Variants in MBOAT2 observed in about 807,000 individuals in gnomAD.
MBOAT2 encodes the protein membrane bound glycerophospholipid O-acyltransferase 2, also known as membrane-bound glycerophospholipid O-acyltransferase 2.
A neutral mutation model predicts 63.4 loss-of-function variants in MBOAT2; 28 were observed. That is an observed-to-expected ratio of 0.44 (90% CI 0.33 to 0.61). The LOEUF (loss-of-function observed/expected upper bound fraction) is 0.61. MBOAT2 is among the 20% of genes least tolerant of loss of function. The pLI is 0.03. For missense variants in MBOAT2, 470 were observed against 605.8 expected (o/e 0.78, Z 2.35); for synonymous variants, 211 against 215.6 (o/e 0.98, Z 0.19).
chr2:8,943,457 T>TG (rs1200748648), intron 2 of MBOAT2, among the ~76,000 whole-genome samples, 193 bp from the exon 3 acceptor site: 2 of 152,120 alleles, frequency 1.3e-5, no homozygotes, highest in Non-Finnish European at 2.9e-5. Context: ...CCAGAAGAGC[T>TG]GGGGGGAAAA....
At chr2:8,950,888 T>C (rs1668778390) in intron 2 of MBOAT2, among the ~76,000 whole-genome samples, 1 of 152,176 alleles carries the variant, frequency 6.6e-6, no homozygotes, top group Non-Finnish European at 1.5e-5. Flanking sequence ...CTCACATCTA[T>C]TGAGATGATC....
chr2:8,926,819 G>A (rs1666967179), intron 3 of MBOAT2, among the ~76,000 whole-genome samples: 1 of 152,212 alleles, frequency 6.6e-6, no homozygotes, highest in African/African-American at 2.4e-5. Context: ...ATGGTAAACA[G>A]CAGAAATGGG....
At chr2:8,883,255 G>C (rs561973208) in intron 5 of MBOAT2, among the ~76,000 whole-genome samples, 1 of 152,204 alleles carries the variant, frequency 6.6e-6, no homozygotes, top group East Asian at 1.9e-4. Context: ...TTAAAAAACA[G>C]TGAAATAAAT....
chr2:8,905,885 G>C (rs564849804), intron 4 of MBOAT2, among the ~76,000 whole-genome samples: 1 of 152,266 alleles, frequency 6.6e-6, no homozygotes, highest in African/African-American at 2.4e-5. Flanking sequence ...ATCTTTAAAA[G>C]TCCAGGTTGT....
chr2:8,921,224 C>A (rs1436344460), intron 3 of MBOAT2, among the ~76,000 whole-genome samples: 1 of 151,986 alleles, frequency 6.6e-6, no homozygotes, highest in Non-Finnish European at 1.5e-5. Context: ...TCTGTTGATT[C>A]TTTCAATGTA....
chr2:8,992,114 G>A (rs964974675), intron 1 of MBOAT2, among the ~76,000 whole-genome samples: 1 of 152,064 alleles, frequency 6.6e-6, no homozygotes, highest in Non-Finnish European at 1.5e-5. Flanking sequence ...ATGTACTTCC[G>A]GTCTCAAGTC....
At chr2:8,885,264 G>T (rs1439679475) in intron 5 of MBOAT2, among the ~76,000 whole-genome samples, 2 of 152,120 alleles carry the variant, frequency 1.3e-5, no homozygotes, top group Non-Finnish European at 2.9e-5. Flanking sequence ...CTGCGATAGT[G>T]GCACCTTTGG....
intron 4 of MBOAT2, among the ~76,000 whole-genome samples, chr2:8,898,728 C>T (rs1195030972): frequency 4.6e-5 from 7 of 151,728 alleles, no homozygotes; most frequent in Non-Finnish European, 8.8e-5. Context: ...TAAGTTGGGA[C>T]GTGTGGTCTG....
At chr2:8,875,476 A>T (rs1182175146) in intron 7 of MBOAT2, among the ~76,000 whole-genome samples, 1 of 152,190 alleles carries the variant, frequency 6.6e-6, no homozygotes, top group East Asian at 1.9e-4. Context: ...TCACTTTTAT[A>T]ACATTTGATA....
rs759562992 is a variant in MBOAT2, at chr2:8,858,818, T to C, written c.1424A>G (p.His475Arg). ...GGATTGTGAGAGCTGAATGTTTTCA[T>C]GTGTATTCTTTCTTCTTTGAGTTTT... Reference protein sequence around the residue: ...VKKTQRRKNTHENIQLSQSKK... With the variant: ...VKKTQRRKNTRENIQLSQSKK... The change falls in exon 13 of 13, where the codon CAT becomes CGT. Residue 475 changes from histidine to arginine, a missense_variant. Physicochemically the swap from His to Arg is conservative, Grantham distance 29. Transcript: ENST00000305997. The C allele has an allele frequency of 3.1e-5, 50 of 1,613,946 alleles. No individual in the cohort carries two copies. The South Asian group carries it at 4.6e-4, about 15-fold the overall frequency.
At chr2:8,998,230 T>G (rs755891953) in intron 1 of MBOAT2, among the ~76,000 whole-genome samples, 4 of 152,222 alleles carry the variant, frequency 2.6e-5, no homozygotes, top group Non-Finnish European at 5.9e-5. Flanking sequence ...TATGCCTTCC[T>G]GATGAAAAGG....
At chr2:8,928,184 C>T (rs1667065161) in intron 3 of MBOAT2, among the ~76,000 whole-genome samples, 1 of 152,176 alleles carries the variant, frequency 6.6e-6, no homozygotes, top group Non-Finnish European at 1.5e-5. Context: ...GGCCCCACCT[C>T]CAACACTGGG....
intron 1 of MBOAT2, among the ~76,000 whole-genome samples, chr2:9,002,488 A>G (rs1235836872): frequency 6.6e-6 from 1 of 152,248 alleles, no homozygotes; most frequent in Non-Finnish European, 1.5e-5. Flanking sequence ...AAGACAGTGA[A>G]CCAGTATCCC....
intron 4 of MBOAT2, among the ~76,000 whole-genome samples, chr2:8,896,998 A>T (rs977896972): frequency 4.6e-5 from 7 of 152,242 alleles, no homozygotes; most frequent in African/African-American, 1.7e-4. Context: ...CCTTGTTTAC[A>T]CTGATAACAA....
intron 1 of MBOAT2, among the ~76,000 whole-genome samples, chr2:8,976,428 G>A (rs1670819966): frequency 6.6e-6 from 1 of 152,070 alleles, no homozygotes; most frequent in Non-Finnish European, 1.5e-5. Flanking sequence ...CTAAGGAAGG[G>A]TTAAACTATG....
chr2:8,883,872 T>C (rs1427823809), intron 5 of MBOAT2, among the ~76,000 whole-genome samples: 2 of 152,056 alleles, frequency 1.3e-5, no homozygotes, highest in Non-Finnish European at 2.9e-5. Flanking sequence ...ATTCCACTTT[T>C]GACAATTATG....
chr2:8,858,763 CA>C lies in MBOAT2; in HGVS notation c.1478del (p.Leu493TrpfsTer19). 1 of 1,614,044 alleles carries C rather than the reference CA, an allele frequency of 6.2e-7. No homozygotes were observed. Among genetic ancestry groups the C allele is most frequent in the Non-Finnish European group, 8.5e-7 (1 of 1,180,002 alleles). On this transcript the variant is annotated frameshift_variant, in exon 13 of 13. Coordinates refer to ENST00000305997, the MANE Select transcript of MBOAT2 (RefSeq NM_138799.4). LOFTEE classifies it high-confidence loss of function. ...SKKFDEGENS[L>X]GQNSFSTTNN... is the part of the protein sequence containing the mutation. ...TTGTTGTAGAAAAACTGTTCTGTCC[CA>C]AAGAATTTTCTCCTTCATCAAACTT... is the stretch of plus-strand genomic sequence containing the variant.
At chr2:8,875,110 A>C (rs1662615364) in intron 7 of MBOAT2, among the ~76,000 whole-genome samples, 1 of 152,182 alleles carries the variant, frequency 6.6e-6, no homozygotes, top group South Asian at 2.1e-4. Flanking sequence ...AGAACAGTGG[A>C]GAGGTCCCCA....
At chr2:8,890,388 T>A (rs766843955) in intron 4 of MBOAT2, among the ~76,000 whole-genome samples, 18 of 152,228 alleles carry the variant, frequency 1.2e-4, no homozygotes, top group African/African-American at 3.1e-4. Context: ...TTGTTTTTTT[T>A]ATTAAATCTC....
Sources: gnomAD v4.1 joint callset for allele counts (sites outside exome capture counted in the v4.1 genomes callset) on GRCh38, gnomAD v4.1.1 for gene constraint, MANE v1.5 for transcripts, NCBI Gene and HGNC (gene_info 2026-07-23, HGNC 2026-07-21) for gene names.